PRKCA: variants seen among roughly 807,000 people sequenced by gnomAD.
The protein encoded by PRKCA is protein kinase C alpha, also known as protein kinase C alpha type.
In PRKCA, 27 loss-of-function variants were observed where a neutral mutation model predicts 87.0. The observed-to-expected ratio is 0.31, with a 90% CI of 0.23 to 0.43. PRKCA has a LOEUF of 0.43. PRKCA is among the 20% of genes least tolerant of loss of function. PRKCA has a pLI of 1.00. For synonymous variants in PRKCA, 329 were observed against 311.1 expected, an observed-to-expected ratio of 1.06 and a Z score of -0.61; for missense variants, 518 against 852.3, an observed-to-expected ratio of 0.61 and a Z score of 4.88.
intron 3 of PRKCA, among the ~76,000 whole-genome samples, chr17:66,533,310 G>C (rs1470610525): frequency 6.6e-6 from 1 of 152,102 alleles, no homozygotes; most frequent in Non-Finnish European, 1.5e-5. Flanking sequence ...CTCTGCTCCT[G>C]GGCTCACCAT....
rs754424277 is a variant in PRKCA, at chr17:66,552,575, G to C, written c.288+56292G>C. Among the ~76,000 whole-genome samples, 6 of 152,274 alleles carry C rather than the reference G, an allele frequency of 3.9e-5. No homozygotes were observed. In the South Asian group the frequency reaches 6.2e-4, roughly 16 times the overall value. On this transcript the variant is annotated intron_variant, in intron 3 of 16. Transcript: ENST00000413366. Reference sequence around the variant, plus strand: ...GACCCTTAGTTCCTTATGGCTGTTGGCTGGACTTTGCCCTCAGTTCCTTGC... The same window carrying C: ...GACCCTTAGTTCCTTATGGCTGTTGCCTGGACTTTGCCCTCAGTTCCTTGC...
At chr17:66,493,292 T>G in intron 2 of PRKCA, among the ~76,000 whole-genome samples, 1 of 125,934 alleles carries the variant, frequency 7.9e-6, no homozygotes, top group South Asian at 2.4e-4. Flanking sequence ...TCTATGTAGG[T>G]ATATTTGTGT....
At chr17:66,427,573 G>C (rs1912882648) in intron 2 of PRKCA, among the ~76,000 whole-genome samples, 1 of 152,210 alleles carries the variant, frequency 6.6e-6, no homozygotes, top group Non-Finnish European at 1.5e-5. Flanking sequence ...TGCTGGCCTT[G>C]TTTTGTACCT....
chr17:66,370,228 C>CT (rs35851942), intron 2 of PRKCA, among the ~76,000 whole-genome samples: 24,127 of 111,662 alleles, frequency 0.22, 3,833 homozygotes, highest in African/African-American at 0.31. Context: ...TATTTTGATA[C>CT]TTTTTTTTTT....
chr17:66,546,624 A>G (rs967297679), intron 3 of PRKCA, among the ~76,000 whole-genome samples: 1 of 152,216 alleles, frequency 6.6e-6, no homozygotes, highest in Non-Finnish European at 1.5e-5. Flanking sequence ...CCTTATAAAA[A>G]TAGCAATCAT....
Position 66,808,394 on chromosome 17 carries a change from A to T in PRKCA, c.*4357A>T, listed in dbSNP as rs1183874990. On this transcript the variant is annotated 3_prime_UTR_variant, in exon 17 of 17. Coordinates refer to ENST00000413366, the MANE Select transcript of PRKCA (RefSeq NM_002737.3). ...AAAAAGTGACAATCTTGTATTTTTA[A>T]AAGCCTCGGAAAGGTGATACCATCT... is the stretch of plus-strand genomic sequence containing the variant. 1 of 145,354 alleles carries T rather than the reference A, an allele frequency of 6.9e-6. No homozygotes were observed. The highest frequency in any genetic ancestry group is 1.5e-5 in the Non-Finnish European group (1 of 67,190). 9.0% of individuals were successfully genotyped at this position (145,354 alleles called of 1,614,324 possible). A position where few individuals can be genotyped will look rare whatever the true frequency, so the allele number is the denominator to read the frequency against.
chr17:66,487,431 A>G (rs1435149130), intron 2 of PRKCA, among the ~76,000 whole-genome samples: 1 of 152,132 alleles, frequency 6.6e-6, no homozygotes, highest in African/African-American at 2.4e-5. Context: ...GTTGATGGGC[A>G]TTAGGTTGAT....
At chr17:66,509,981 C>G (rs1193053606) in intron 3 of PRKCA, among the ~76,000 whole-genome samples, 4 of 152,122 alleles carry the variant, frequency 2.6e-5, no homozygotes, top group Admixed American at 6.5e-5. Flanking sequence ...TCAAGCTTGT[C>G]CAACCCACCT....
intron 2 of PRKCA, among the ~76,000 whole-genome samples, chr17:66,393,509 G>A (rs1189263626): frequency 6.6e-6 from 1 of 152,190 alleles, no homozygotes; most frequent in Non-Finnish European, 1.5e-5. Flanking sequence ...CAGCTCGGAG[G>A]GATGGGACGG....
intron 8 of PRKCA, among the ~76,000 whole-genome samples, chr17:66,721,332 C>G (rs1427168898): frequency 1.3e-5 from 2 of 148,944 alleles, no homozygotes; most frequent in African/African-American, 5.0e-5. Context: ...GGAGGTGGAG[C>G]TTGCAGTGAG....
rs148564331 is a variant in PRKCA at position 66,664,120 on chromosome 17, G to A, written c.529+18609G>A. On this transcript the variant is annotated intron_variant, in intron 5 of 16. Transcript: ENST00000413366. ...TGGCCTCAAGTGATCCACCCGCCTC[G>A]GGCTCCCAAAGTGCCGGGTTTCTAG... 4.3e-3 allele frequency among the ~76,000 whole-genome samples: 647 copies of A among 152,102 alleles called. 5 individuals carry two copies. The highest frequency in any genetic ancestry group is 0.015 in the African/African-American group (602 of 41,506).
intron 3 of PRKCA, among the ~76,000 whole-genome samples, chr17:66,578,966 G>A (rs1026048255): frequency 6.6e-6 from 1 of 152,232 alleles, no homozygotes; most frequent in East Asian, 1.9e-4. Context: ...CCCCACCGTT[G>A]CTTCTCACCT....
chr17:66,353,575 G>T (rs1907881279), intron 2 of PRKCA, among the ~76,000 whole-genome samples: 1 of 152,154 alleles, frequency 6.6e-6, no homozygotes, highest in Non-Finnish European at 1.5e-5. Flanking sequence ...AATTAGCCGG[G>T]TGTGGTGGCC....
chr17:66,509,839 C>A (rs1324650050), intron 3 of PRKCA, among the ~76,000 whole-genome samples: 1 of 152,054 alleles, frequency 6.6e-6, no homozygotes, highest in African/African-American at 2.4e-5. Context: ...ATCTCTGTAT[C>A]CCCAATGCCT....
At chr17:66,646,331 A>T (rs1971454154) in intron 5 of PRKCA, among the ~76,000 whole-genome samples, 2 of 152,074 alleles carry the variant, frequency 1.3e-5, no homozygotes, top group African/African-American at 2.4e-5. Flanking sequence ...CACTCAGTCA[A>T]GTTATCCTGG....
chr17:66,632,461 A>G (rs1302388765), intron 3 of PRKCA, among the ~76,000 whole-genome samples: 1 of 151,906 alleles, frequency 6.6e-6, no homozygotes, highest in African/African-American at 2.4e-5. Context: ...CTTACTGCAA[A>G]CTTGACCTCC....
At chr17:66,800,225 ATT>A (rs1975869341) in intron 16 of PRKCA, among the ~76,000 whole-genome samples, 1 of 152,202 alleles carries the variant, frequency 6.6e-6, no homozygotes, top group Admixed American at 6.5e-5. Context: ...TTCAGGGAAA[ATT>A]CCAAAGAGAT....
chr17:66,616,099 T>C (rs970270001), intron 3 of PRKCA, among the ~76,000 whole-genome samples: 4 of 152,192 alleles, frequency 2.6e-5, no homozygotes, highest in East Asian at 1.9e-4. Context: ...TTTTTAATCA[T>C]TGATGCCCCT....
intron 8 of PRKCA, among the ~76,000 whole-genome samples, chr17:66,713,089 T>G: frequency 7.2e-6 from 1 of 138,618 alleles, no homozygotes. Flanking sequence ...TCTCACTCTG[T>G]TGCCCAGGCT....
Sources: allele counts gnomAD v4.1 joint callset (sites outside exome capture counted in the v4.1 genomes callset), GRCh38; gene constraint gnomAD v4.1.1; transcripts MANE v1.5; gene names NCBI Gene and HGNC (gene_info 2026-07-23, HGNC 2026-07-21).